The following ATXN7L3 variants were observed in gnomAD, a reference collection of about 807,000 sequenced individuals.
ATXN7L3 encodes ataxin-7-like protein 3.
A neutral mutation model predicts 50.0 loss-of-function variants in ATXN7L3; 6 were observed. That is an observed-to-expected ratio of 0.12 (90% CI 0.07 to 0.24). The LOEUF (loss-of-function observed/expected upper bound fraction) is 0.24, where lower values mean the gene tolerates loss of function less well. Ranked by LOEUF, ATXN7L3 falls within the 10% of genes least tolerant of loss-of-function variation. ATXN7L3 has a pLI of 1.00. For synonymous variants in ATXN7L3, 198 were observed against 165.8 expected (o/e 1.19, Z -1.49); for missense variants, 322 against 451.3 (o/e 0.71, Z 2.60).
rs200916523 is a variant in ATXN7L3, at chr17:44,195,424, T to C, written c.616A>G (p.Thr206Ala). ...TCTTGCTGGTCCTCCCTCACCGTGGTTAGCAGGCTGCGAAGCTCCTCCGGC... is the reference window on the plus strand; with the variant it reads ...TCTTGCTGGTCCTCCCTCACCGTGGCTAGCAGGCTGCGAAGCTCCTCCGGC... ...LGPEELRSLL[T>A]TQCGVISEHT... Residue 206 changes from threonine (T) to alanine (A), a missense_variant, in exon 9 of 13, where the codon ACC becomes GCC. Physicochemically the swap from Thr to Ala is moderately conservative, Grantham distance 58. This residue lies in a region of ATXN7L3 where 95 missense variants were observed against 98.1 expected (regional missense o/e 0.97). Transcript: ENST00000587097. 85 of 1,613,860 alleles carry C rather than the reference T, an allele frequency of 5.3e-5. No homozygotes were observed. The highest frequency in any genetic ancestry group is 6.8e-6 in the Non-Finnish European group (8 of 1,179,902).
chr17:44,194,740 C>G (rs768819005), intron 11 of ATXN7L3, 28 bp downstream of exon 11: 2 of 1,613,800 alleles, frequency 1.2e-6, no homozygotes, highest in African/African-American at 1.3e-5. Context: ...TGGTCACAAC[C>G]CCCCACCCTT....
intron 1 of ATXN7L3, chr17:44,199,105 GGCC>G (rs2056041568): frequency 6.6e-6 from 1 of 151,864 alleles, no homozygotes; most frequent in Admixed American, 6.5e-5. Context: ...GCCGGCGCCG[GGCC>G]GGGACAGACC....
rs1290424391 is a variant in ATXN7L3, at chr17:44,199,785, C to G, written c.-350G>C. On this transcript the variant is annotated 5_prime_UTR_variant, in exon 1 of 13. Coordinates refer to ENST00000587097, the MANE Select transcript of ATXN7L3 (RefSeq NM_001382309.1). ...TCCGCGCGCCCCTCCCCCCGCCCCC[C>G]ACTCCAGCCCGCCTCTCCCGGGCGG... 2 of 147,762 alleles carry G rather than the reference C, an allele frequency of 1.4e-5. No homozygotes were observed. Among genetic ancestry groups the G allele is most frequent in the South Asian group, 2.1e-4 (1 of 4,758 alleles). 9.2% of individuals were successfully genotyped at this position (147,762 alleles called of 1,614,324 possible).
chr17:44,192,157 A>C lies in ATXN7L3; in HGVS notation c.*2106T>G, dbSNP rs574066625. The C allele has an allele frequency of 6.6e-6, 1 of 152,032 alleles. No individual in the cohort carries two copies. The highest frequency in any genetic ancestry group is 2.1e-4 in the South Asian group (1 of 4,820). 9.4% of individuals were successfully genotyped at this position (152,032 alleles called of 1,614,324 possible). A position where few individuals can be genotyped will look rare whatever the true frequency, so the allele number is the denominator to read the frequency against. ...ATTGAAACCCACACAGCCTGCTGTT[A>C]GAGGGAGGGGAGTGGGGAGCTCCTA... On this transcript the variant is annotated 3_prime_UTR_variant, in exon 13 of 13. Coordinates refer to ENST00000587097, the MANE Select transcript of ATXN7L3 (RefSeq NM_001382309.1).
chr17:44,199,226 G>GCTGGGGC (rs993129853), intron 1 of ATXN7L3: 9 of 151,742 alleles, frequency 5.9e-5, no homozygotes, highest in Admixed American at 5.2e-4. Flanking sequence ...TGTCCCGGGG[G>GCTGGGGC]CTGGGGCCTG....
In ATXN7L3 at chr17:44,192,080, C is replaced by CA. The variant is rs1266736101; in HGVS notation, c.*2182dup. 2.0e-5 allele frequency: 3 copies of CA among 152,552 alleles called. No individual in the cohort carries two copies. The highest frequency in any genetic ancestry group is 2.9e-5 in the Non-Finnish European group (2 of 68,078). The allele number at this position is 152,552 out of a possible 1,614,324, so 9.4% of individuals were successfully genotyped here. A position where few individuals can be genotyped will look rare whatever the true frequency, so the allele number is the denominator to read the frequency against. On this transcript the variant is annotated 3_prime_UTR_variant, in exon 13 of 13. Transcript: ENST00000587097. ...AGTACAGAACCCCCCCACACACACT[C>CA]AGACACAGGATACAGGGTGGACGAC... is the stretch of plus-strand genomic sequence containing the variant.
chr17:44,195,854 G>A, intron 7 of ATXN7L3, 26 bp from the exon 8 acceptor site: 1 of 1,607,102 alleles, frequency 6.2e-7, no homozygotes, highest in Non-Finnish European at 8.5e-7. Flanking sequence ...GAAGGGGAAG[G>A]GTGTTTGATG....
rs1208267097 is a variant in ATXN7L3, at chr17:44,192,771, G to C, written c.*1492C>G. On this transcript the variant is annotated 3_prime_UTR_variant, in exon 13 of 13. Coordinates refer to ENST00000587097, the MANE Select transcript of ATXN7L3 (RefSeq NM_001382309.1). The stretch of plus-strand genomic sequence containing the variant: ...GACAGGGCATTGCAGCCCCATCTCT[G>C]TTGTTCCCTTAACCCTCTAGGGTCC... The C allele has an allele frequency of 6.6e-6, 1 of 152,224 alleles. No homozygotes were observed. Among genetic ancestry groups the C allele is most frequent in the Non-Finnish European group, 1.5e-5 (1 of 68,058 alleles). The allele number at this position is 152,224 out of a possible 1,614,324, so 9.4% of individuals were successfully genotyped here.
chr17:44,194,029 T>C lies in ATXN7L3; in HGVS notation c.*234A>G. ...AGGAAAACCGCCTCCCCACCAAACTTATGTCCAAGGCATAATATGTCCAGG... is the reference window on the plus strand; with the variant it reads ...AGGAAAACCGCCTCCCCACCAAACTCATGTCCAAGGCATAATATGTCCAGG... On this transcript the variant is annotated 3_prime_UTR_variant, in exon 13 of 13. Coordinates refer to ENST00000587097, the MANE Select transcript of ATXN7L3 (RefSeq NM_001382309.1). 1 of 541,186 alleles carries C rather than the reference T, an allele frequency of 1.8e-6. No homozygotes were observed. Among genetic ancestry groups the C allele is most frequent in the Non-Finnish European group, 3.2e-6 (1 of 310,842 alleles). The allele number at this position is 541,186 out of a possible 1,614,324, so 33.5% of individuals were successfully genotyped here.
Position 44,196,744 on chromosome 17 carries a change from C to G in ATXN7L3, c.454+185G>C, listed in dbSNP as rs2055912557. 7.4e-5 allele frequency among the ~76,000 whole-genome samples: 11 copies of G among 148,854 alleles called. No individual in the cohort carries two copies. The South Asian group carries it at 2.4e-3, about 32-fold the overall frequency. ...AGTGAGCCGAGATCTCACCACTGCA[C>G]CCCAGCCTGGGCCACAGAGCGAGAA... On this transcript the variant is annotated intron_variant, in intron 5 of 12. Transcript: ENST00000587097.
intron 1 of ATXN7L3, 28 bp downstream of exon 1, chr17:44,199,468 C>T (rs2056065671): frequency 6.9e-6 from 1 of 145,056 alleles, no homozygotes; most frequent in African/African-American, 2.5e-5. Context: ...CTCCCCCGTC[C>T]CCGTCCCCGT....
intron 9 of ATXN7L3, 43 bp from the exon 10 acceptor site, chr17:44,195,183 T>TA (rs2055838283): frequency 1.3e-6 from 2 of 1,586,566 alleles, no homozygotes; most frequent in Non-Finnish European, 1.7e-6. Flanking sequence ...GGAAGGAACC[T>TA]ACTCTAGATG....
At chr17:44,196,292 C>T (rs1364342454) in intron 6 of ATXN7L3, 104 bp downstream of exon 6, 36 of 1,447,394 alleles carry the variant, frequency 2.5e-5, no homozygotes, top group Non-Finnish European at 3.4e-5. Flanking sequence ...CTCAAGCCCC[C>T]AATGACCTCA....
intron 5 of ATXN7L3, among the ~76,000 whole-genome samples, 171 bp from the exon 6 acceptor site, chr17:44,196,589 C>A (rs1483346877): frequency 6.6e-6 from 1 of 151,830 alleles, no homozygotes; most frequent in Non-Finnish European, 1.5e-5. Flanking sequence ...ACCATCCTGG[C>A]CAATATGGTG....
At chr17:44,195,751 C>T (rs2055862999) in intron 8 of ATXN7L3, 49 bp downstream of exon 8, 1 of 1,558,000 alleles carries the variant, frequency 6.4e-7, no homozygotes, top group Non-Finnish European at 8.9e-7. Context: ...TCCCCACCAC[C>T]TCACAACCAG....
rs1305708434 is a variant in ATXN7L3 at position 44,192,092 on chromosome 17, A to G, written c.*2171T>C. ...CCCCACACACACTCAGACACAGGAT[A>G]CAGGGTGGACGACACCTAGCCGGGG... On this transcript the variant is annotated 3_prime_UTR_variant, in exon 13 of 13. Coordinates refer to ENST00000587097, the MANE Select transcript of ATXN7L3 (RefSeq NM_001382309.1). 3 of 152,566 alleles carry G rather than the reference A, an allele frequency of 2.0e-5. No homozygotes were observed. The highest frequency in any genetic ancestry group is 4.4e-5 in the Non-Finnish European group (3 of 68,098). 9.5% of individuals were successfully genotyped at this position (152,566 alleles called of 1,614,324 possible).
chr17:44,195,505 G>A lies in ATXN7L3; in HGVS notation c.553-18C>T, dbSNP rs1321221488. ...TTGTTATACTGCAGGACAACCAGAG[G>A]TACAGGTTAGAGATGGGGCAGAGAA... On this transcript the variant is annotated intron_variant, in intron 8 of 12. Transcript: ENST00000587097. The A allele has an allele frequency of 3.1e-6, 5 of 1,608,752 alleles. No individual in the cohort carries two copies. Among genetic ancestry groups the A allele is most frequent in the South Asian group, 1.1e-5 (1 of 90,954 alleles).
At chr17:44,198,361 G>T in intron 1 of ATXN7L3, 1 of 409,280 alleles carries the variant, frequency 2.4e-6, no homozygotes, top group Non-Finnish European at 4.3e-6. Flanking sequence ...ATCAGAGTCT[G>T]GGTCTATAGG....
intron 1 of ATXN7L3, 36 bp downstream of exon 1, chr17:44,199,460 C>CCCCCGT (rs1189983774): frequency 5.6e-4 from 81 of 143,940 alleles, no homozygotes; most frequent in African/African-American, 1.5e-3. Flanking sequence ...ACAGGCCCCT[C>CCCCCGT]CCCCGTCCCC....
Sources: allele counts gnomAD v4.1 joint callset (sites outside exome capture counted in the v4.1 genomes callset), GRCh38; gene constraint gnomAD v4.1.1; regional missense constraint gnomAD v4.1.1; transcripts MANE v1.5; gene names NCBI Gene and HGNC (gene_info 2026-07-23, HGNC 2026-07-21).